Variants in DST observed in about 807,000 individuals in gnomAD.
The protein encoded by DST is bullous pemphigoid antigen.
Under a neutral mutation model 875.2 loss-of-function variants are expected in DST, and 253 were observed. The ratio of observed to expected loss-of-function variants is 0.29; its 90% CI spans 0.26 to 0.32. DST has a LOEUF of 0.32. Ranked by LOEUF, DST falls within the 10% of genes least tolerant of loss-of-function variation. The pLI, the probability that DST is intolerant of heterozygous loss-of-function variation, is 1.00. For missense variants in DST, 8,287 were observed against 9,111.6 expected, an observed-to-expected ratio of 0.91 and a Z score of 3.68; for synonymous variants, 3,124 against 3,197.1, an observed-to-expected ratio of 0.98 and a Z score of 0.77.
chr6:56,605,509 C>T lies in DST; in HGVS notation c.9119G>A (p.Ser3040Asn). 1 of 1,613,004 alleles carries T rather than the reference C, an allele frequency of 6.2e-7. No homozygotes were observed. Among genetic ancestry groups the T allele is most frequent in the Non-Finnish European group, 8.5e-7 (1 of 1,179,342 alleles). ...TGTTTCATCTTCTATTAGAATATCA[C>T]TTTTGCCATCTCTCCCTTTAATGAG... ...SDLIKGRDGK[S>N]DILIEDETSI... The change falls in exon 40 of 104, where the codon AGT (serine) becomes AAT (asparagine). Residue 3040 changes from serine (S) to asparagine (N), a missense_variant. Physicochemically the swap from Ser to Asn is conservative, Grantham distance 46. Coordinates refer to ENST00000680361, the MANE Select transcript of DST (RefSeq NM_001374736.1).
intron 24 of DST, among the ~76,000 whole-genome samples, chr6:56,635,295 GC>G (rs1339158160): frequency 2.6e-5 from 4 of 152,012 alleles, no homozygotes; most frequent in Non-Finnish European, 5.9e-5. Flanking sequence ...CTAAAACAGT[GC>G]CCAGGATATA....
At position 56,532,423 on chromosome 6, in the gene DST, C is replaced by A. The variant is rs773291374; in HGVS notation, c.17029G>T (p.Ala5677Ser). 1.9e-6 allele frequency: 3 copies of A among 1,613,402 alleles called. No individual in the cohort carries two copies. ...TGTTTCAAAATCTTCACTTTATCTGCGGGCTCTGCTGTTGTAGCAATTTTT... is the reference window on the plus strand; with the variant it reads ...TGTTTCAAAATCTTCACTTTATCTGAGGGCTCTGCTGTTGTAGCAATTTTT... Reference protein sequence around the residue: ...GEKIATTAEPADKVKILKQLS... With the variant: ...GEKIATTAEPSDKVKILKQLS... Residue 5677 changes from alanine to serine, a missense_variant, in exon 64 of 104, where the codon GCA becomes TCA. This residue lies in a region of DST where 777 missense variants were observed against 764.8 expected (regional missense o/e 1.02). Coordinates refer to ENST00000680361, the MANE Select transcript of DST (RefSeq NM_001374736.1).
chr6:56,634,270 G>T lies in DST; in HGVS notation c.3495-12C>A. ...ACTGTTGCTCAATTCTGAAATACATGAAAGAGAACTCAGATTAATGTTTTT... is the reference window on the plus strand; with the variant it reads ...ACTGTTGCTCAATTCTGAAATACATTAAAGAGAACTCAGATTAATGTTTTT... On this transcript the variant is annotated splice_polypyrimidine_tract_variant and intron_variant, in intron 26 of 103. Transcript: ENST00000680361. 1 of 1,613,700 alleles carries T rather than the reference G, an allele frequency of 6.2e-7. No individual in the cohort carries two copies.
intron 36 of DST, chr6:56,620,294 A>C (rs1274790784): frequency 6.2e-7 from 1 of 1,614,030 alleles, no homozygotes. Context: ...TCGTCTGGTA[A>C]AGGTGTTTTC....
At chr6:56,734,274 A>T (rs763894981) in intron 5 of DST, among the ~76,000 whole-genome samples, 3 of 152,262 alleles carry the variant, frequency 2.0e-5, no homozygotes, top group Admixed American at 6.5e-5. Flanking sequence ...TCAAGTGGTG[A>T]GAGAGACAAG....
chr6:56,636,666 CAG>C lies in DST; in HGVS notation c.2965-16_2965-15del. 3 of 1,607,216 alleles carry C rather than the reference CAG, an allele frequency of 1.9e-6. No homozygotes were observed. Among genetic ancestry groups the C allele is most frequent in the Middle Eastern group, 1.7e-4 (1 of 6,054 alleles). Reference sequence around the variant, plus strand: ...CGCTCTGTAGGCCTTAAAGATAAAACAGAGCCATCATAACTGACTGGGGAGAA... The same window carrying C: ...CGCTCTGTAGGCCTTAAAGATAAAACAGCCATCATAACTGACTGGGGAGAA... On this transcript the variant is annotated splice_polypyrimidine_tract_variant and intron_variant, in intron 22 of 103. Transcript: ENST00000680361.
chr6:56,463,915 A>G (rs1287680425), intron 100 of DST, 151 bp from the exon 101 acceptor site: 1 of 841,674 alleles, frequency 1.2e-6, no homozygotes, highest in Non-Finnish European at 2.0e-6. Flanking sequence ...AACTCAGCAT[A>G]ACAAAAAGTT....
At chr6:56,482,371 A>G (rs2095431108) in intron 89 of DST, 193 bp from the exon 90 acceptor site, 2 of 698,462 alleles carry the variant, frequency 2.9e-6, no homozygotes, top group Non-Finnish European at 4.2e-6. Context: ...TATTAAAAAA[A>G]AAGCCTATAT....
At chr6:56,610,107 C>T (rs1338196836) in intron 39 of DST, among the ~76,000 whole-genome samples, 1 of 152,076 alleles carries the variant, frequency 6.6e-6, no homozygotes, top group Non-Finnish European at 1.5e-5. Context: ...CCCACAGGCT[C>T]TTTTATAGCC....
At position 56,601,518 on chromosome 6, in the gene DST, T is replaced by C; in HGVS notation, c.11466A>G (p.Val3822=). The change falls in exon 44 of 104, where the codon GTA becomes GTG. Residue 3822 remains valine (V), a synonymous_variant. Transcript: ENST00000680361. The part of the protein sequence containing the change: ...LNTTQKCFLD[V]QESVTTQVER... The stretch of plus-strand genomic sequence containing the variant: ...CCACCTGGGTAGTTACTGACTCCTG[T>C]ACATCAAGAAAACACTTCTGAGTTG... The C allele has an allele frequency of 6.2e-7, 1 of 1,606,498 alleles. No homozygotes were observed. The highest frequency in any genetic ancestry group is 8.5e-7 in the Non-Finnish European group (1 of 1,176,658).
At chr6:56,720,394 T>C (rs2099410421) in intron 5 of DST, among the ~76,000 whole-genome samples, 1 of 151,780 alleles carries the variant, frequency 6.6e-6, no homozygotes, top group South Asian at 2.1e-4. Flanking sequence ...CTTGGGTGTT[T>C]CTCGGAGAGA....
In DST at chr6:56,501,061, T is replaced by C; in HGVS notation, c.19896+19A>G. 1.2e-6 allele frequency: 2 copies of C among 1,608,632 alleles called. No homozygotes were observed. The highest frequency in any genetic ancestry group is 1.1e-5 in the South Asian group (1 of 90,142). ...AAATGGACAGAGAAGAAACATAACA[T>C]GCATTAACAGCTACGTACATGATGC... On this transcript the variant is annotated intron_variant, in intron 80 of 103. Transcript: ENST00000680361.
Position 56,806,128 on chromosome 6 carries a change from T to C in DST, c.625+45269A>G, listed in dbSNP as rs894039901. On this transcript the variant is annotated intron_variant, in intron 4 of 103. Coordinates refer to ENST00000680361, the MANE Select transcript of DST (RefSeq NM_001374736.1). ...ACCAGTTGATTTAGTCACTATCAAA[T>C]TATTTTCACATCTCATCTTCTAAAA... Among the ~76,000 whole-genome samples the C allele has an allele frequency of 3.3e-5, 5 of 152,222 alleles. No individual in the cohort carries two copies. The South Asian group carries it at 6.2e-4, about 19-fold the overall frequency.
intron 4 of DST, among the ~76,000 whole-genome samples, chr6:56,798,746 G>GA: frequency 6.6e-6 from 1 of 152,206 alleles, no homozygotes; most frequent in African/African-American, 2.4e-5. Context: ...AAATATTCTG[G>GA]AAAAAATTCA....
In DST at chr6:56,843,567, T is replaced by C. The variant is rs71550518; in HGVS notation, c.625+7830A>G. On this transcript the variant is annotated intron_variant, in intron 4 of 103. Transcript: ENST00000680361. ...GCTGGCCCTGCACGAGGCGCGTGCT[T>C]CGGGCCGGGCCGAGGCCGCGGCAGC... 190,839 of 983,476 alleles carry C rather than the reference T, an allele frequency of 0.19. 21,045 individuals carry two copies. Among genetic ancestry groups the C allele is most frequent in the African/African-American group, 0.45 (25,812 of 56,964 alleles). The allele number at this position is 983,476 out of a possible 1,614,324, so 60.9% of individuals were successfully genotyped here. A position where few individuals can be genotyped will look rare whatever the true frequency, so the allele number is the denominator to read the frequency against.
At chr6:56,648,036 G>A (rs994197763) in intron 13 of DST, among the ~76,000 whole-genome samples, 1 of 152,060 alleles carries the variant, frequency 6.6e-6, no homozygotes, top group Non-Finnish European at 1.5e-5. Context: ...CTTGCCCTAA[G>A]TTTTTCAGTA....
chr6:56,556,019 T>A (rs2152560354), intron 59 of DST, among the ~76,000 whole-genome samples, 179 bp from the exon 60 acceptor site: 2 of 152,330 alleles, frequency 1.3e-5, no homozygotes, highest in Non-Finnish European at 2.9e-5. Context: ...AGAGCCACAG[T>A]GCTTCACAGA....
chr6:56,602,438 C>T (rs188512913), intron 43 of DST, among the ~76,000 whole-genome samples: 39 of 151,964 alleles, frequency 2.6e-4, no homozygotes, highest in Non-Finnish European at 4.7e-4. Context: ...GTAAAGGATG[C>T]CATCTAGGTC....
intron 80 of DST, 34 bp from the exon 81 acceptor site, chr6:56,498,087 T>A (rs764534811): frequency 6.4e-7 from 1 of 1,573,802 alleles, no homozygotes; most frequent in East Asian, 2.2e-5. Context: ...TGTTTGCTAG[T>A]TTGTAACATG....
Sources: gnomAD v4.1 joint callset for allele counts (sites outside exome capture counted in the v4.1 genomes callset) on GRCh38, gnomAD v4.1.1 for gene constraint, gnomAD v4.1.1 regional missense constraint, MANE v1.5 for transcripts, NCBI Gene and HGNC (gene_info 2026-07-23, HGNC 2026-07-21) for gene names.